PDE7A: variants seen among roughly 807,000 people sequenced by gnomAD.
The protein encoded by PDE7A is phosphodiesterase 7A.
A neutral mutation model predicts 64.3 loss-of-function variants in PDE7A; 39 were observed. That is an observed-to-expected ratio of 0.61 (90% CI 0.47 to 0.79). The LOEUF (loss-of-function observed/expected upper bound fraction) is 0.79, where lower values mean the gene tolerates loss of function less well. PDE7A is among the 30% of genes least tolerant of loss of function. PDE7A has a pLI of 0.00. For missense variants in PDE7A, 470 were observed against 582.8 expected (o/e 0.81, Z 1.99); for synonymous variants, 203 against 206.8 (o/e 0.98, Z 0.16).
At chr8:65,811,513 T>A (rs1810259612) in intron 1 of PDE7A, among the ~76,000 whole-genome samples, 1 of 152,184 alleles carries the variant, frequency 6.6e-6, no homozygotes, top group East Asian at 1.9e-4. Context: ...CCACAGAGGT[T>A]AGCCTCTTTC....
chr8:65,719,151 A>G lies in PDE7A; in HGVS notation c.*139T>C. 1 of 633,398 alleles carries G rather than the reference A, an allele frequency of 1.6e-6. No individual in the cohort carries two copies. The highest frequency in any genetic ancestry group is 2.7e-5 in the East Asian group (1 of 36,812). 39.2% of individuals were successfully genotyped at this position (633,398 alleles called of 1,614,324 possible). A position where few individuals can be genotyped will look rare whatever the true frequency, so the allele number is the denominator to read the frequency against. ...GGGTTCAAATGATCCAACAGAGGAAATCTTGGAAATAAATAATGCTGGCTG... is the reference window on the plus strand; with the variant it reads ...GGGTTCAAATGATCCAACAGAGGAAGTCTTGGAAATAAATAATGCTGGCTG... On this transcript the variant is annotated 3_prime_UTR_variant, in exon 13 of 13. Coordinates refer to ENST00000401827, the MANE Select transcript of PDE7A (RefSeq NM_001242318.3).
chr8:65,745,710 TTA>T (rs780925570), intron 4 of PDE7A, among the ~76,000 whole-genome samples: 1 of 152,228 alleles, frequency 6.6e-6, no homozygotes, highest in Non-Finnish European at 1.5e-5. Context: ...CACAGGAAGG[TTA>T]TGTTTCCCAG....
At position 65,768,282 on chromosome 8, in the gene PDE7A, T is replaced by A. The variant is rs148875060; in HGVS notation, c.283+11438A>T. On this transcript the variant is annotated intron_variant, in intron 3 of 12. Coordinates refer to ENST00000401827, the MANE Select transcript of PDE7A (RefSeq NM_001242318.3). ...ACACAAGCCACTAGTATAATTCTGATATGGTTTGGCTGTGCCCCCACCCAA... is the reference window on the plus strand; with the variant it reads ...ACACAAGCCACTAGTATAATTCTGAAATGGTTTGGCTGTGCCCCCACCCAA... Among the ~76,000 whole-genome samples the A allele has an allele frequency of 6.6e-5, 10 of 152,346 alleles. No homozygotes were observed. In the East Asian group the frequency reaches 1.9e-3, roughly 29 times the overall value.
At chr8:65,827,179 C>A (rs1810699066) in intron 1 of PDE7A, among the ~76,000 whole-genome samples, 1 of 152,172 alleles carries the variant, frequency 6.6e-6, no homozygotes, top group Admixed American at 6.5e-5. Flanking sequence ...CAAGTGGTAA[C>A]CTTCCCGCTC....
At chr8:65,820,226 T>C (rs993386967) in intron 1 of PDE7A, among the ~76,000 whole-genome samples, 5 of 152,162 alleles carry the variant, frequency 3.3e-5, no homozygotes, top group Non-Finnish European at 7.4e-5. Flanking sequence ...CAAAATCCTG[T>C]CTCTACTAAA....
chr8:65,801,760 G>T (rs1809992457), intron 1 of PDE7A, among the ~76,000 whole-genome samples: 1 of 152,158 alleles, frequency 6.6e-6, no homozygotes, highest in African/African-American at 2.4e-5. Flanking sequence ...TACCCATTTT[G>T]ATGAGCTTAA....
intron 3 of PDE7A, among the ~76,000 whole-genome samples, chr8:65,776,970 T>C (rs889730849): frequency 7.2e-5 from 11 of 152,220 alleles, no homozygotes; most frequent in Non-Finnish European, 7.3e-5. Context: ...TTAAATATGA[T>C]GTTTGCTATG....
intron 5 of PDE7A, among the ~76,000 whole-genome samples, chr8:65,740,583 G>A (rs761717411): frequency 2.0e-5 from 3 of 152,062 alleles, no homozygotes; most frequent in African/African-American, 2.4e-5. Context: ...TGTATTTTTA[G>A]TAGAGACAGG....
chr8:65,746,103 T>TC (rs1807664602), intron 4 of PDE7A, among the ~76,000 whole-genome samples: 1 of 151,582 alleles, frequency 6.6e-6, no homozygotes, highest in Admixed American at 6.6e-5. Flanking sequence ...GCTAATTTTT[T>TC]TTTTTTTTTT....
At chr8:65,736,468 C>T (rs1807130685) in intron 6 of PDE7A, among the ~76,000 whole-genome samples, 1 of 152,074 alleles carries the variant, frequency 6.6e-6, no homozygotes, top group Non-Finnish European at 1.5e-5. Context: ...AAAAGTTTCT[C>T]AAGGCCAGGT....
intron 3 of PDE7A, among the ~76,000 whole-genome samples, chr8:65,756,583 G>C (rs935988482): frequency 6.6e-6 from 1 of 151,846 alleles, no homozygotes; most frequent in Non-Finnish European, 1.5e-5. Flanking sequence ...ATTTCTGTTT[G>C]GTTCCTTTTT....
chr8:65,842,020 A>G lies in PDE7A; in HGVS notation c.-512T>C. On this transcript the variant is annotated 5_prime_UTR_variant, in exon 1 of 13. Transcript: ENST00000401827. ...GAGTCCTGCTCCTCCCCTCCCCCGG[A>G]GCCTGACTTCACTCCGCCGCCGGCG... The G allele has an allele frequency of 1.3e-5, 3 of 225,318 alleles. No individual in the cohort carries two copies. The highest frequency in any genetic ancestry group is 2.5e-5 in the Non-Finnish European group (3 of 118,468). The allele number at this position is 225,318 out of a possible 1,614,324, so 14.0% of individuals were successfully genotyped here.
chr8:65,715,485 C>T lies in PDE7A; in HGVS notation c.*3805G>A, dbSNP rs1806097048. On this transcript the variant is annotated 3_prime_UTR_variant, in exon 13 of 13. Transcript: ENST00000401827. ...CTCCGCCACCTGGGTTCAAGCAATT[C>T]TTCCGCCTCAGCCTCCCGAGTAGCT... Among the ~76,000 whole-genome samples the T allele has an allele frequency of 6.6e-6, 1 of 151,206 alleles. No homozygotes were observed. Among genetic ancestry groups the T allele is most frequent in the Non-Finnish European group, 1.5e-5 (1 of 67,840 alleles).
chr8:65,814,460 G>A (rs1431133435), intron 1 of PDE7A, among the ~76,000 whole-genome samples: 1 of 127,704 alleles, frequency 7.8e-6, no homozygotes, highest in African/African-American at 3.0e-5. Flanking sequence ...GCAGTGAGCC[G>A]AGATCCCGCC....
chr8:65,823,959 T>C (rs1810605392), intron 1 of PDE7A, among the ~76,000 whole-genome samples: 1 of 152,040 alleles, frequency 6.6e-6, no homozygotes, highest in Admixed American at 6.6e-5. Context: ...TACAAAATAA[T>C]TCAAAAATTG....
chr8:65,748,251 TA>T (rs1214220202), intron 3 of PDE7A, among the ~76,000 whole-genome samples: 1 of 152,142 alleles, frequency 6.6e-6, no homozygotes, highest in African/African-American at 2.4e-5. Flanking sequence ...ATTACACAAG[TA>T]AAACATTTCA....
At chr8:65,789,258 A>AT (rs1809638633) in intron 1 of PDE7A, among the ~76,000 whole-genome samples, 1 of 152,334 alleles carries the variant, frequency 6.6e-6, no homozygotes, top group Non-Finnish European at 1.5e-5. Flanking sequence ...AATGTAGGCA[A>AT]AGGAGGCCTC....
intron 4 of PDE7A, among the ~76,000 whole-genome samples, chr8:65,746,561 T>C (rs993217710): frequency 6.6e-6 from 1 of 152,200 alleles, no homozygotes; most frequent in African/African-American, 2.4e-5. Flanking sequence ...TTTTATACCA[T>C]ACATTCTTAA....
At position 65,794,396 on chromosome 8, in the gene PDE7A, C is replaced by T. The variant is rs944815692; in HGVS notation, c.139-11553G>A. 4.4e-4 allele frequency among the ~76,000 whole-genome samples: 67 copies of T among 150,588 alleles called. 1 individual carries two copies. Among genetic ancestry groups the T allele is most frequent in the Admixed American group, 4.0e-4 (6 of 15,078 alleles). Reference sequence around the variant, plus strand: ...GTTACAGTGTTTATCTTGAAAGATACTTTTTTTAATGAGACCGATTTGTAG... The same window carrying T: ...GTTACAGTGTTTATCTTGAAAGATATTTTTTTTAATGAGACCGATTTGTAG... On this transcript the variant is annotated intron_variant, in intron 1 of 12. Coordinates refer to ENST00000401827, the MANE Select transcript of PDE7A (RefSeq NM_001242318.3).
Sources: allele counts gnomAD v4.1 joint callset (sites outside exome capture counted in the v4.1 genomes callset), GRCh38; gene constraint gnomAD v4.1.1; transcripts MANE v1.5; gene names NCBI Gene and HGNC (gene_info 2026-07-23, HGNC 2026-07-21).